AGAP1: variants seen among roughly 807,000 people sequenced by gnomAD.
AGAP1 encodes the protein ArfGAP with GTPase domain, ankyrin repeat and PH domain 1.
A neutral mutation model predicts 105.3 loss-of-function variants in AGAP1; 29 were observed. The observed-to-expected ratio is 0.28, with a 90% confidence interval of 0.21 to 0.38. The LOEUF is 0.38. Among genes scored for constraint, AGAP1 ranks in the 10% least tolerant of loss-of-function variants. The pLI is 1.00. For missense variants in AGAP1, 998 were observed against 1,165.1 expected, an observed-to-expected ratio of 0.86 and a Z score of 2.09; for synonymous variants, 509 against 485.9, an observed-to-expected ratio of 1.05 and a Z score of -0.63.
rs1344699632 is a variant in AGAP1 at position 235,739,354 on chromosome 2, C to A, written c.311-1609C>A. ...CTGCTAGAAAAGCATTTCTTTTTTG[C>A]CTACGAGGACTCTCGATTCAGGGAC... On this transcript the variant is annotated intron_variant, in intron 3 of 17. Transcript: ENST00000304032. This position sits in a 1 kb window ranked among gnomAD's most constrained non-coding sequence, Gnocchi z 5.3. 6.6e-6 allele frequency among the ~76,000 whole-genome samples: 1 copy of A among 152,138 alleles called. No homozygotes were observed. The highest frequency in any genetic ancestry group is 2.4e-5 in the African/African-American group (1 of 41,440).
intron 1 of AGAP1, among the ~76,000 whole-genome samples, chr2:235,674,294 A>G (rs1036185431): frequency 6.6e-6 from 1 of 152,232 alleles, no homozygotes; most frequent in Non-Finnish European, 1.5e-5. Flanking sequence ...GTTAACTGAT[A>G]CACATGTGTT....
At chr2:236,004,745 C>G (rs566819603) in intron 13 of AGAP1, among the ~76,000 whole-genome samples, 1 of 152,296 alleles carries the variant, frequency 6.6e-6, no homozygotes, top group Non-Finnish European at 1.5e-5. Flanking sequence ...GGCAGCCTTT[C>G]GAGTTGTTAA....
At chr2:235,516,120 C>T (rs1007213520) in intron 1 of AGAP1, among the ~76,000 whole-genome samples, 1 of 149,970 alleles carries the variant, frequency 6.7e-6, no homozygotes, top group Non-Finnish European at 1.5e-5. Context: ...TGGACTCTCC[C>T]TCACCTGTGC....
At chr2:235,605,458 C>T (rs138906070) in intron 1 of AGAP1, among the ~76,000 whole-genome samples, 113 of 152,356 alleles carry the variant, frequency 7.4e-4, no homozygotes, top group African/African-American at 2.5e-3. Context: ...CAGACGACGC[C>T]GGCCCTTCCG....
chr2:235,513,278 T>G (rs2149032995), intron 1 of AGAP1, among the ~76,000 whole-genome samples: 1 of 151,662 alleles, frequency 6.6e-6, no homozygotes, highest in South Asian at 2.1e-4. Flanking sequence ...CCCAACACTT[T>G]GGGAGGCTGA....
rs1382009478 is a variant in AGAP1, at chr2:235,587,951, C to T, written c.163+93102C>T. ...AGCCTTAGAAATGCTCATTTGTGGC[C>T]GGGTGTGGTGGCTCACGCCTGTAAT... On this transcript the variant is annotated intron_variant, in intron 1 of 17. Transcript: ENST00000304032. Among the ~76,000 whole-genome samples, 5 of 151,980 alleles carry T rather than the reference C, an allele frequency of 3.3e-5. 1 individual carries two copies. Among genetic ancestry groups the T allele is most frequent in the Admixed American group, 2.0e-4 (3 of 15,258 alleles).
chr2:236,015,600 G>GAT (rs1283261236), intron 13 of AGAP1, among the ~76,000 whole-genome samples: 3 of 151,744 alleles, frequency 2.0e-5, no homozygotes, highest in Non-Finnish European at 4.4e-5. Context: ...GAATTACTTT[G>GAT]ATGCCAGGCA....
Position 235,960,905 on chromosome 2 carries a change from T to C in AGAP1, c.1484-7557T>C, listed in dbSNP as rs1042333957. Among the ~76,000 whole-genome samples the C allele has an allele frequency of 2.0e-5, 3 of 152,346 alleles. No individual in the cohort carries two copies. The highest frequency in any genetic ancestry group is 4.4e-5 in the Non-Finnish European group (3 of 68,042). Reference sequence around the variant, plus strand: ...GTGGTTTGGCACAAAAGCGTGCTTGTGGCTGGTTTTAAAACTAAGTCGCGA... The same window carrying C: ...GTGGTTTGGCACAAAAGCGTGCTTGCGGCTGGTTTTAAAACTAAGTCGCGA... On this transcript the variant is annotated intron_variant, in intron 12 of 17. Transcript: ENST00000304032. The surrounding 1 kb of genome is among the most constrained non-coding windows in gnomAD (Gnocchi z 4.9).
chr2:236,090,639 T>C lies in AGAP1; in HGVS notation c.2115-29553T>C, dbSNP rs1025258134. On this transcript the variant is annotated intron_variant, in intron 16 of 17. Coordinates refer to ENST00000304032, the MANE Select transcript of AGAP1 (RefSeq NM_001037131.3). The surrounding 1 kb of genome is among the most constrained non-coding windows in gnomAD (Gnocchi z 4.3). ...TTCATCACTTTTGGATATTGAAAGC[T>C]AGCAGGGAGGGGGTCTTCCTGGTTA... Among the ~76,000 whole-genome samples the C allele has an allele frequency of 2.0e-5, 3 of 152,206 alleles. No individual in the cohort carries two copies. Among genetic ancestry groups the C allele is most frequent in the African/African-American group, 4.8e-5 (2 of 41,460 alleles).
chr2:235,598,676 A>G (rs762291637), intron 1 of AGAP1, among the ~76,000 whole-genome samples: 5 of 152,194 alleles, frequency 3.3e-5, no homozygotes, highest in Non-Finnish European at 5.9e-5. Flanking sequence ...CGCTTATGCT[A>G]AATGTACAGA....
At position 235,906,056 on chromosome 2, in the gene AGAP1, C is replaced by T. The variant is rs1454965886; in HGVS notation, c.1156-2682C>T. On this transcript the variant is annotated intron_variant, in intron 10 of 17. Transcript: ENST00000304032. This position sits in a 1 kb window ranked among gnomAD's most constrained non-coding sequence, Gnocchi z 5.3. ...GCCCAGATACCACCCTCCCGTTACC[C>T]GAACCCACCATGACAGCTTTCCTCC... Among the ~76,000 whole-genome samples, 1 of 152,164 alleles carries T rather than the reference C, an allele frequency of 6.6e-6. No individual in the cohort carries two copies. Among genetic ancestry groups the T allele is most frequent in the African/African-American group, 2.4e-5 (1 of 41,434 alleles).
chr2:235,817,880 G>T (rs894101535), intron 9 of AGAP1, among the ~76,000 whole-genome samples: 1 of 152,164 alleles, frequency 6.6e-6, no homozygotes, highest in Non-Finnish European at 1.5e-5. Context: ...AACAGAGTGA[G>T]ACTCTGTCTC....
chr2:235,909,431 A>T (rs955695432), intron 11 of AGAP1, among the ~76,000 whole-genome samples: 3 of 152,186 alleles, frequency 2.0e-5, no homozygotes, highest in African/African-American at 7.2e-5. Flanking sequence ...GATCAGAGAA[A>T]GCTGTATTTT....
chr2:235,978,259 T>A (rs914883884), intron 13 of AGAP1, among the ~76,000 whole-genome samples: 1 of 152,206 alleles, frequency 6.6e-6, no homozygotes, highest in Admixed American at 6.5e-5. Flanking sequence ...TATTCCTGGC[T>A]GTGGGATTAA....
At chr2:235,917,106 CCTAA>C (rs1011552778) in intron 11 of AGAP1, among the ~76,000 whole-genome samples, 3 of 152,142 alleles carry the variant, frequency 2.0e-5, no homozygotes, top group Admixed American at 6.5e-5. Context: ...ATGTTTTTAT[CCTAA>C]CCAGATTGAT....
intron 16 of AGAP1, among the ~76,000 whole-genome samples, chr2:236,111,211 A>G (rs1429823527): frequency 6.6e-6 from 1 of 152,194 alleles, no homozygotes; most frequent in African/African-American, 2.4e-5. Context: ...CCCTCACTGC[A>G]GTGTTTCCAG....
rs1250276424 is a variant in AGAP1 at position 235,754,887 on chromosome 2, C to T, written c.673+4399C>T. ...CAGAAACATGACCTTGTGTCTTGCT[C>T]AGGGGTGGAAAAGAAGTGTGGCAGC... On this transcript the variant is annotated intron_variant, in intron 6 of 17. Coordinates refer to ENST00000304032, the MANE Select transcript of AGAP1 (RefSeq NM_001037131.3). This position sits in a 1 kb window ranked among gnomAD's most constrained non-coding sequence, Gnocchi z 4.6. Among the ~76,000 whole-genome samples, 3 of 152,222 alleles carry T rather than the reference C, an allele frequency of 2.0e-5. No individual in the cohort carries two copies. The highest frequency in any genetic ancestry group is 2.9e-5 in the Non-Finnish European group (2 of 68,040).
chr2:235,960,988 A>G lies in AGAP1; in HGVS notation c.1484-7474A>G, dbSNP rs1371222446. Among the ~76,000 whole-genome samples the G allele has an allele frequency of 6.6e-6, 1 of 152,214 alleles. No homozygotes were observed. Among genetic ancestry groups the G allele is most frequent in the African/African-American group, 2.4e-5 (1 of 41,448 alleles). ...GTGGTCCGTTCCATCCACCCGCGCA[A>G]GTGTCTGTCACACAGAGGTTAGTTC... On this transcript the variant is annotated intron_variant, in intron 12 of 17. Coordinates refer to ENST00000304032, the MANE Select transcript of AGAP1 (RefSeq NM_001037131.3). This position sits in a 1 kb window ranked among gnomAD's most constrained non-coding sequence, Gnocchi z 4.9.
At chr2:236,011,565 C>T (rs535250858) in intron 13 of AGAP1, among the ~76,000 whole-genome samples, 34 of 152,250 alleles carry the variant, frequency 2.2e-4, no homozygotes, top group Admixed American at 5.2e-4. Context: ...AAAACACTAA[C>T]GGAATGCTCA....
Sources: gnomAD v4.1 joint callset for allele counts (sites outside exome capture counted in the v4.1 genomes callset) on GRCh38, gnomAD v4.1.1 for gene constraint, Gnocchi (gnomAD v3.1) non-coding constraint, MANE v1.5 for transcripts, NCBI Gene and HGNC (gene_info 2026-07-23, HGNC 2026-07-21) for gene names.